DPP10: variants seen among roughly 807,000 people sequenced by gnomAD.
DPP10 encodes the protein inactive dipeptidyl peptidase 10.
DPP10 carries 33 observed loss-of-function variants against 120.9 expected under a neutral mutation model. That is an observed-to-expected ratio of 0.27 (90% CI 0.21 to 0.37). DPP10 has a LOEUF of 0.37. Among genes scored for constraint, DPP10 ranks in the 10% least tolerant of loss-of-function variants. DPP10 has a pLI of 1.00. For synonymous variants in DPP10, 337 were observed against 326.1 expected (o/e 1.03, Z -0.36); for missense variants, 816 against 942.8 (o/e 0.87, Z 1.76).
chr2:115,738,591 A>G (rs1362691952), intron 8 of DPP10, among the ~76,000 whole-genome samples: 4 of 152,072 alleles, frequency 2.6e-5, no homozygotes, highest in Non-Finnish European at 5.9e-5. Flanking sequence ...TGTTCTCCCA[A>G]TGCCTTTTCC....
At chr2:115,202,964 A>AAAC (rs1189461145) in intron 1 of DPP10, among the ~76,000 whole-genome samples, 2 of 151,392 alleles carry the variant, frequency 1.3e-5, no homozygotes, top group Non-Finnish European at 2.9e-5. Context: ...AACAAACAAA[A>AAAC]AACAACAACA....
chr2:115,824,967 A>G (rs775466815), intron 21 of DPP10, among the ~76,000 whole-genome samples: 1 of 152,240 alleles, frequency 6.6e-6, no homozygotes, highest in African/African-American at 2.4e-5. Flanking sequence ...ACTAGAGGAA[A>G]AGAGAAGAGA....
intron 1 of DPP10, among the ~76,000 whole-genome samples, chr2:114,713,715 G>T (rs1439036326): frequency 6.6e-6 from 1 of 152,114 alleles, no homozygotes; most frequent in Non-Finnish European, 1.5e-5. Flanking sequence ...ATTTGGCTGG[G>T]CGCAGTGGCT....
At chr2:115,423,500 A>T (rs1404622448) in intron 3 of DPP10, among the ~76,000 whole-genome samples, 1 of 152,134 alleles carries the variant, frequency 6.6e-6, no homozygotes, top group East Asian at 1.9e-4. Context: ...TTTTCTTTGT[A>T]TATAGAGAGA....
intron 1 of DPP10, among the ~76,000 whole-genome samples, chr2:115,170,839 A>G (rs578259751): frequency 6.6e-6 from 1 of 152,202 alleles, no homozygotes; most frequent in African/African-American, 2.4e-5. Context: ...AATTGCTCCA[A>G]AATGAGATTT....
At chr2:115,749,913 G>A (rs1276408913) in intron 10 of DPP10, 1 of 872,564 alleles carries the variant, frequency 1.1e-6, no homozygotes, top group Non-Finnish European at 1.4e-6. Context: ...TAGATCTTCT[G>A]TGCCAGACCA....
At chr2:115,666,361 G>A (rs1378583284) in intron 5 of DPP10, among the ~76,000 whole-genome samples, 1 of 152,044 alleles carries the variant, frequency 6.6e-6, no homozygotes, top group African/African-American at 2.4e-5. Context: ...GAACCAACAG[G>A]GGAAACCCTC....
chr2:114,866,366 A>G (rs1690236542), intron 1 of DPP10, among the ~76,000 whole-genome samples: 1 of 152,142 alleles, frequency 6.6e-6, no homozygotes, highest in South Asian at 2.1e-4. Flanking sequence ...ACATGTGAAA[A>G]AAAAATCTTC....
intron 5 of DPP10, among the ~76,000 whole-genome samples, chr2:115,679,198 G>A (rs967720897): frequency 6.6e-6 from 1 of 151,972 alleles, no homozygotes; most frequent in Non-Finnish European, 1.5e-5. Flanking sequence ...GAGATGTGGG[G>A]GGGGTGCATG....
intron 1 of DPP10, among the ~76,000 whole-genome samples, chr2:115,203,447 G>T (rs187278431): frequency 2.0e-5 from 3 of 152,090 alleles, no homozygotes; most frequent in Admixed American, 2.0e-4. Flanking sequence ...TCTATGATTT[G>T]CCTCCATTCC....
chr2:115,384,151 C>T (rs2106494978), intron 3 of DPP10, among the ~76,000 whole-genome samples: 1 of 152,278 alleles, frequency 6.6e-6, no homozygotes, highest in East Asian at 1.9e-4. Context: ...GTCTTCTGCT[C>T]CTCTTTCTCC....
At chr2:114,443,412 C>A (rs913132242) in intron 1 of DPP10, among the ~76,000 whole-genome samples, 1 of 152,132 alleles carries the variant, frequency 6.6e-6, no homozygotes, top group Non-Finnish European at 1.5e-5. Flanking sequence ...TGATTGGAGA[C>A]ACTCTTCAAT....
intron 1 of DPP10, among the ~76,000 whole-genome samples, chr2:115,257,720 T>A (rs2105724982): frequency 6.6e-6 from 1 of 152,274 alleles, no homozygotes; most frequent in East Asian, 1.9e-4. Context: ...CCCCTTAGTT[T>A]CAGATGTTGA....
intron 1 of DPP10, among the ~76,000 whole-genome samples, chr2:114,662,226 G>C (rs1016311927): frequency 1.8e-4 from 28 of 152,156 alleles, no homozygotes; most frequent in Middle Eastern, 3.2e-3. Flanking sequence ...GTGTCCTGAG[G>C]GGGGAGACTG....
chr2:114,836,936 C>T (rs1687787706), intron 1 of DPP10, among the ~76,000 whole-genome samples: 1 of 152,326 alleles, frequency 6.6e-6, no homozygotes, highest in East Asian at 1.9e-4. Context: ...TCCACCCGGT[C>T]ACTGGTGGTC....
intron 21 of DPP10, among the ~76,000 whole-genome samples, chr2:115,826,452 T>C (rs1411566380): frequency 6.6e-6 from 1 of 152,164 alleles, no homozygotes; most frequent in Non-Finnish European, 1.5e-5. Flanking sequence ...CCGGGCATGG[T>C]GGCTCACGCT....
chr2:114,988,105 C>T (rs1433568796), intron 1 of DPP10, among the ~76,000 whole-genome samples: 2 of 152,050 alleles, frequency 1.3e-5, no homozygotes, highest in South Asian at 2.1e-4. Context: ...CGCCCGGCCG[C>T]CGGAGACTGA....
intron 1 of DPP10, among the ~76,000 whole-genome samples, chr2:115,283,390 A>C (rs940765031): frequency 1.3e-5 from 2 of 152,024 alleles, no homozygotes; most frequent in African/African-American, 4.8e-5. Flanking sequence ...AATGATGTCT[A>C]CTCAAGATTT....
At chr2:115,190,229 T>C (rs1311260485) in intron 1 of DPP10, among the ~76,000 whole-genome samples, 1 of 152,198 alleles carries the variant, frequency 6.6e-6, no homozygotes, top group Non-Finnish European at 1.5e-5. Context: ...TTGACTTAAA[T>C]CCTGCAGCTA....
Sources: gnomAD v4.1 joint callset for allele counts (sites outside exome capture counted in the v4.1 genomes callset) on GRCh38, gnomAD v4.1.1 for gene constraint, MANE v1.5 for transcripts, NCBI Gene and HGNC (gene_info 2026-07-23, HGNC 2026-07-21) for gene names.